Variants in ODAD2 observed in about 807,000 individuals in gnomAD.
The protein encoded by ODAD2 is outer dynein arm docking complex subunit 2.
A neutral mutation model predicts 106.8 loss-of-function variants in ODAD2; 89 were observed. That is an observed-to-expected ratio of 0.83 (90% CI 0.70 to 0.99). The LOEUF (loss-of-function observed/expected upper bound fraction) is 0.99, where lower values mean the gene tolerates loss of function less well. Ranked by LOEUF, ODAD2 falls within the 50% of genes least tolerant of loss-of-function variation. The pLI, the probability that ODAD2 is intolerant of heterozygous loss-of-function variation, is 0.00. For synonymous variants in ODAD2, 404 were observed against 436.2 expected (o/e 0.93, Z 0.92); for missense variants, 1,168 against 1,238.5 (o/e 0.94, Z 0.85).
intron 19 of ODAD2, among the ~76,000 whole-genome samples, chr10:27,857,613 A>C (rs2133290507): frequency 1.3e-5 from 2 of 152,340 alleles, no homozygotes; most frequent in Middle Eastern, 6.8e-3. Flanking sequence ...CTTTACACCT[A>C]AAATTCAAAC....
chr10:27,887,738 A>C (rs1842318311), intron 17 of ODAD2, among the ~76,000 whole-genome samples: 2 of 152,066 alleles, frequency 1.3e-5, no homozygotes, highest in Non-Finnish European at 2.9e-5. Flanking sequence ...CAGTGTGTCA[A>C]AGAAGAAATC....
chr10:27,891,263 C>A (rs2133705622), intron 17 of ODAD2, among the ~76,000 whole-genome samples: 1 of 152,310 alleles, frequency 6.6e-6, no homozygotes, highest in African/African-American at 2.4e-5. Context: ...TGTATCCCAA[C>A]CTCACAGAAA....
chr10:27,849,258 TG>T (rs1839056294), intron 19 of ODAD2, among the ~76,000 whole-genome samples: 1 of 152,110 alleles, frequency 6.6e-6, no homozygotes, highest in Non-Finnish European at 1.5e-5. Flanking sequence ...TGTAGGGACA[TG>T]GATGAAGCTG....
intron 19 of ODAD2, among the ~76,000 whole-genome samples, chr10:27,856,151 A>C (rs1417372264): frequency 2.0e-5 from 3 of 152,196 alleles, no homozygotes; most frequent in Non-Finnish European, 4.4e-5. Flanking sequence ...ACAAATCTGC[A>C]TCCATATTCA....
chr10:27,921,749 T>A (rs1381201766), intron 16 of ODAD2, among the ~76,000 whole-genome samples: 1 of 143,852 alleles, frequency 7.0e-6, no homozygotes, highest in African/African-American at 2.6e-5. Flanking sequence ...AAAAAAAAAA[T>A]CAAGTAATTT....
intron 19 of ODAD2, among the ~76,000 whole-genome samples, chr10:27,830,885 T>C (rs1293278076): frequency 2.0e-5 from 3 of 152,264 alleles, no homozygotes; most frequent in Non-Finnish European, 4.4e-5. Context: ...GCACATCTTA[T>C]ACTTCTGGCA....
chr10:27,856,567 C>G (rs561892460), intron 19 of ODAD2, among the ~76,000 whole-genome samples: 10 of 152,136 alleles, frequency 6.6e-5, no homozygotes, highest in Non-Finnish European at 1.3e-4. Context: ...GGCTTAATAC[C>G]CCCTGCTGAA....
intron 8 of ODAD2, among the ~76,000 whole-genome samples, chr10:27,969,790 A>G (rs200069530): frequency 3.9e-5 from 6 of 152,314 alleles, no homozygotes; most frequent in East Asian, 3.9e-4. Context: ...TACAGGCTGC[A>G]ACTTGTAAAC....
intron 10 of ODAD2, among the ~76,000 whole-genome samples, chr10:27,945,558 A>G (rs1846847174): frequency 2.6e-5 from 4 of 152,234 alleles, no homozygotes; most frequent in Admixed American, 2.6e-4. Flanking sequence ...ATCCTGGCTG[A>G]ACGCAGAGTC....
chr10:27,926,353 A>G (rs1845261840), intron 16 of ODAD2, among the ~76,000 whole-genome samples: 1 of 152,052 alleles, frequency 6.6e-6, no homozygotes, highest in African/African-American at 2.4e-5. Context: ...AATTCAACGG[A>G]GCTCATTAAA....
At chr10:27,891,093 C>A (rs7358164) in intron 17 of ODAD2, among the ~76,000 whole-genome samples, 4,232 of 152,220 alleles carry the variant, frequency 0.028, 202 homozygotes, top group African/African-American at 0.095. Flanking sequence ...TTCTCATTGG[C>A]TCCCTGATTG....
At chr10:27,836,889 A>G (rs1050046525) in intron 19 of ODAD2, among the ~76,000 whole-genome samples, 17 of 152,210 alleles carry the variant, frequency 1.1e-4, no homozygotes, top group African/African-American at 4.1e-4. Context: ...TATTTCATAA[A>G]CATCAAACCT....
intron 16 of ODAD2, among the ~76,000 whole-genome samples, chr10:27,919,454 T>C (rs765572557): frequency 1.3e-5 from 2 of 151,992 alleles, no homozygotes; most frequent in Non-Finnish European, 2.9e-5. Context: ...AAATATGTAA[T>C]AGACTTCAAC....
chr10:27,947,725 C>A (rs909687061), intron 10 of ODAD2, among the ~76,000 whole-genome samples: 7 of 152,240 alleles, frequency 4.6e-5, no homozygotes, highest in Admixed American at 2.0e-4. Flanking sequence ...TAGGCGGAGG[C>A]TTCAGACTTC....
chr10:27,877,193 A>T (rs1389325951), intron 17 of ODAD2, among the ~76,000 whole-genome samples: 2 of 152,216 alleles, frequency 1.3e-5, no homozygotes, highest in Non-Finnish European at 2.9e-5. Context: ...GCCAAATTTC[A>T]AATCAGTTTT....
At chr10:27,982,963 C>G (rs976961725) in intron 6 of ODAD2, among the ~76,000 whole-genome samples, 1 of 152,200 alleles carries the variant, frequency 6.6e-6, no homozygotes, top group Non-Finnish European at 1.5e-5. Context: ...CTCCTTTCAC[C>G]AGGCTAGGTT....
At chr10:27,840,804 A>G (rs953110797) in intron 19 of ODAD2, among the ~76,000 whole-genome samples, 40 of 152,354 alleles carry the variant, frequency 2.6e-4, no homozygotes, top group Middle Eastern at 3.4e-3. Flanking sequence ...TTTCTTGCCC[A>G]TGGGAATTCT....
chr10:27,814,537 C>T (rs1835979838), intron 19 of ODAD2, among the ~76,000 whole-genome samples: 1 of 152,192 alleles, frequency 6.6e-6, no homozygotes, highest in Non-Finnish European at 1.5e-5. Context: ...TACATCTGGG[C>T]CCTGATTTTT....
At chr10:27,978,303 A>G (rs1293883335) in intron 7 of ODAD2, among the ~76,000 whole-genome samples, 1 of 152,240 alleles carries the variant, frequency 6.6e-6, no homozygotes, top group Non-Finnish European at 1.5e-5. Flanking sequence ...CAAAGAGGGG[A>G]AAAAGCCAAA....
Sources: allele counts gnomAD v4.1 joint callset (sites outside exome capture counted in the v4.1 genomes callset), GRCh38; gene constraint gnomAD v4.1.1; transcripts MANE v1.5; gene names NCBI Gene and HGNC (gene_info 2026-07-23, HGNC 2026-07-21).